Variants in LAMP1 observed in about 807,000 individuals in gnomAD.
The protein encoded by LAMP1 is lysosome-associated membrane glycoprotein 1.
In LAMP1, 7 loss-of-function variants were observed where a neutral mutation model predicts 37.5. That is an observed-to-expected ratio of 0.19 (90% CI 0.11 to 0.35). The LOEUF is 0.35. LAMP1 is among the 10% of genes least tolerant of loss of function. LAMP1 has a pLI of 1.00. For synonymous variants in LAMP1, 236 were observed against 229.1 expected (o/e 1.03, Z -0.27); for missense variants, 537 against 552.8 (o/e 0.97, Z 0.29).
intron 4 of LAMP1, among the ~76,000 whole-genome samples, chr13:113,316,020 T>G (rs534878794): frequency 6.6e-6 from 1 of 152,262 alleles, no homozygotes; most frequent in South Asian, 2.1e-4. Flanking sequence ...GGAGAATTGC[T>G]TGAACCCGAG....
chr13:113,307,795 T>TAAA (rs147832647), intron 2 of LAMP1, among the ~76,000 whole-genome samples: 3 of 116,796 alleles, frequency 2.6e-5, no homozygotes, highest in Admixed American at 8.2e-5. Flanking sequence ...TATCTCTTTT[T>TAAA]TAAAAAAAAA....
At chr13:113,309,357 TC>T (rs1423926175) in intron 2 of LAMP1, among the ~76,000 whole-genome samples, 2 of 152,174 alleles carry the variant, frequency 1.3e-5, no homozygotes, top group East Asian at 1.9e-4. Flanking sequence ...CACCTCAGCC[TC>T]CCAGAGTGTT....
chr13:113,316,794 T>C (rs187583576), intron 4 of LAMP1, among the ~76,000 whole-genome samples: 23 of 150,196 alleles, frequency 1.5e-4, no homozygotes, highest in African/African-American at 5.4e-4. Flanking sequence ...TGGTAAAACA[T>C]TGGAGGTGGA....
intron 4 of LAMP1, 49 bp downstream of exon 4, chr13:113,310,916 G>C (rs2042627896): frequency 6.6e-7 from 1 of 1,525,158 alleles, no homozygotes. Context: ...GGGTAGCTGG[G>C]CTGCAGTGGC....
At chr13:113,299,253 C>T (rs138313188) in intron 1 of LAMP1, among the ~76,000 whole-genome samples, 200 of 151,628 alleles carry the variant, frequency 1.3e-3, no homozygotes, top group African/African-American at 4.5e-3. Flanking sequence ...TCCATTATAT[C>T]TTTTATGTTT....
chr13:113,308,324 CTT>C (rs71101565), intron 2 of LAMP1, among the ~76,000 whole-genome samples: 3 of 60,426 alleles, frequency 5.0e-5, no homozygotes, highest in African/African-American at 1.4e-4. Context: ...CCTCCAAGCA[CTT>C]TTTTTTTTTT....
At position 113,297,721 on chromosome 13, in the gene LAMP1, G is replaced by T. The variant is rs935995972; in HGVS notation, c.61+226G>T. ...GGGGGACCAGGAGGTCTCATCCCAG[G>T]ACCTGGCTCCTCTAAGGTCTGTCTC... On this transcript the variant is annotated intron_variant, in intron 1 of 8. Transcript: ENST00000332556. This position sits in a 1 kb window ranked among gnomAD's most constrained non-coding sequence, Gnocchi z 4.4. Among the ~76,000 whole-genome samples, 1 of 152,262 alleles carries T rather than the reference G, an allele frequency of 6.6e-6. No individual in the cohort carries two copies. The highest frequency in any genetic ancestry group is 2.4e-5 in the African/African-American group (1 of 41,474).
chr13:113,303,609 T>G (rs1256285564), intron 1 of LAMP1, among the ~76,000 whole-genome samples: 1 of 152,152 alleles, frequency 6.6e-6, no homozygotes, highest in African/African-American at 2.4e-5. Flanking sequence ...CATTTCCTCC[T>G]CAAGCTCTGT....
chr13:113,316,067 C>T (rs916232922), intron 4 of LAMP1, among the ~76,000 whole-genome samples: 1 of 152,174 alleles, frequency 6.6e-6, no homozygotes, highest in African/African-American at 2.4e-5. Flanking sequence ...CATGCTACTG[C>T]ACTCCAGCCC....
intron 4 of LAMP1, among the ~76,000 whole-genome samples, chr13:113,311,554 G>T (rs1394045720): frequency 2.6e-5 from 4 of 152,160 alleles, no homozygotes; most frequent in Non-Finnish European, 5.9e-5. Context: ...TCCAGCTCTG[G>T]CCGGCCAGCT....
chr13:113,301,858 CTTTTTTTTTT>C lies in LAMP1; in HGVS notation c.61+4376_61+4385del, dbSNP rs539321614. Among the ~76,000 whole-genome samples, 4 of 74,332 alleles carry C rather than the reference CTTTTTTTTTT, an allele frequency of 5.4e-5. No homozygotes were observed. The Admixed American group carries it at 7.4e-4, about 14-fold the overall frequency. The allele number at this position is 74,332 out of a possible 152,430, so 48.8% of individuals were successfully genotyped here. ...GCCAAGAAAAACTAAGATGTGATTT[CTTTTTTTTTT>C]TTTTTTTTTTTTGAGACGGAGTCTC... On this transcript the variant is annotated intron_variant, in intron 1 of 8. Transcript: ENST00000332556.
chr13:113,298,416 C>T (rs1208142278), intron 1 of LAMP1, among the ~76,000 whole-genome samples: 3 of 151,842 alleles, frequency 2.0e-5, no homozygotes, highest in African/African-American at 7.3e-5. Flanking sequence ...CTCCCCCCGC[C>T]GCCCTCCCCC....
At chr13:113,307,790 CTT>C (rs557835481) in intron 2 of LAMP1, among the ~76,000 whole-genome samples, 1,386 of 24,754 alleles carry the variant, frequency 0.056, 33 homozygotes, top group African/African-American at 0.11. Context: ...GATCTTATCT[CTT>C]TTTTAAAAAA....
rs1411414072 is a variant in LAMP1, at chr13:113,323,264, T to C, written c.*843T>C. Reference sequence around the variant, plus strand: ...ATTTTTATTTTTATTTGTAAAGTGATTTTTGGTCTTCTGTTGACATTCGGG... The same window carrying C: ...ATTTTTATTTTTATTTGTAAAGTGACTTTTGGTCTTCTGTTGACATTCGGG... On this transcript the variant is annotated 3_prime_UTR_variant, in exon 9 of 9. Coordinates refer to ENST00000332556, the MANE Select transcript of LAMP1 (RefSeq NM_005561.4). The C allele has an allele frequency of 6.6e-6, 1 of 151,994 alleles. No individual in the cohort carries two copies. Among genetic ancestry groups the C allele is most frequent in the Non-Finnish European group, 1.5e-5 (1 of 68,004 alleles). The allele number at this position is 151,994 out of a possible 1,614,324, so 9.4% of individuals were successfully genotyped here.
Position 113,321,177 on chromosome 13 carries a change from G to A in LAMP1, c.877-227G>A, listed in dbSNP as rs73582834. 4.1e-3 allele frequency: 2,140 copies of A among 517,280 alleles called. 41 individuals are homozygous for A. Among genetic ancestry groups the A allele is most frequent in the African/African-American group, 0.037 (1,913 of 51,984 alleles). The allele number at this position is 517,280 out of a possible 1,614,324, so 32.0% of individuals were successfully genotyped here. The stretch of plus-strand genomic sequence containing the variant: ...CCTGGGTGACAGAGCAAGACTCTCA[G>A]AGAAGGGTCTGGAAGGAACTAACCA... On this transcript the variant is annotated intron_variant, in intron 6 of 8. Transcript: ENST00000332556. The surrounding 1 kb of genome is among the most constrained non-coding windows in gnomAD (Gnocchi z 5.6).
chr13:113,307,615 A>G (rs1383429933), intron 2 of LAMP1, among the ~76,000 whole-genome samples: 1 of 152,110 alleles, frequency 6.6e-6, no homozygotes, highest in Non-Finnish European at 1.5e-5. Flanking sequence ...AGAGAGTTAT[A>G]CTGCAAGAAA....
rs569862505 is a variant in LAMP1 at position 113,314,247 on chromosome 13, G to A, written c.562+3380G>A. On this transcript the variant is annotated intron_variant, in intron 4 of 8. Transcript: ENST00000332556. ...TGGAGGGAACCAGTGCGGAGATGTC[G>A]GTGTGCCTGGGGCGTGGCCTCCCGG... Among the ~76,000 whole-genome samples, 39 of 96,214 alleles carry A rather than the reference G, an allele frequency of 4.1e-4. 2 individuals carry two copies. The highest frequency in any genetic ancestry group is 1.4e-3 in the African/African-American group (32 of 22,214). The allele number at this position is 96,214 out of a possible 152,430, so 63.1% of individuals were successfully genotyped here. A position where few individuals can be genotyped will look rare whatever the true frequency, so the allele number is the denominator to read the frequency against.
chr13:113,321,827 CCT>C lies in LAMP1; in HGVS notation c.1114+101_1114+102del, dbSNP rs1205680341. On this transcript the variant is annotated intron_variant, in intron 8 of 8. Coordinates refer to ENST00000332556, the MANE Select transcript of LAMP1 (RefSeq NM_005561.4). The surrounding 1 kb of genome is among the most constrained non-coding windows in gnomAD (Gnocchi z 5.6). Reference sequence around the variant, plus strand: ...CTTCCGTGTGGGCTGGGGCGACGCCCCTGTTCCTCTGCAAGGAGCTGTTTCTT... The same window carrying C: ...CTTCCGTGTGGGCTGGGGCGACGCCCGTTCCTCTGCAAGGAGCTGTTTCTT... 6.7e-6 allele frequency: 8 copies of C among 1,199,456 alleles called. No individual in the cohort carries two copies. In the African/African-American group the frequency reaches 1.2e-4, roughly 18 times the overall value. The allele number at this position is 1,199,456 out of a possible 1,614,324, so 74.3% of individuals were successfully genotyped here.
chr13:113,309,897 G>C, intron 3 of LAMP1, 35 bp downstream of exon 3: 1 of 1,542,042 alleles, frequency 6.5e-7, no homozygotes, highest in Non-Finnish European at 8.9e-7. Flanking sequence ...TGAAGTGATA[G>C]AAAATTGGGT....
Sources: allele counts gnomAD v4.1 joint callset (sites outside exome capture counted in the v4.1 genomes callset), GRCh38; gene constraint gnomAD v4.1.1; non-coding constraint Gnocchi (gnomAD v3.1); transcripts MANE v1.5; gene names NCBI Gene and HGNC (gene_info 2026-07-23, HGNC 2026-07-21).